Variants in EHMT1 observed in about 807,000 individuals in gnomAD.
EHMT1 encodes the protein euchromatic histone lysine methyltransferase 1.
In EHMT1, 15 loss-of-function variants were observed where a neutral mutation model predicts 147.2. That is an observed-to-expected ratio of 0.10 (90% CI 0.07 to 0.16). EHMT1 has a LOEUF of 0.16. EHMT1 is among the 10% of genes least tolerant of loss of function. The pLI is 1.00. For missense variants in EHMT1, 1,587 were observed against 1,772.4 expected, an observed-to-expected ratio of 0.90 and a Z score of 1.88; for synonymous variants, 795 against 709.6, an observed-to-expected ratio of 1.12 and a Z score of -1.91.
chr9:137,652,295 T>C (rs1188724924), intron 1 of EHMT1, among the ~76,000 whole-genome samples: 1 of 152,218 alleles, frequency 6.6e-6, no homozygotes, highest in East Asian at 1.9e-4. Context: ...GGTCTTGCTA[T>C]GTTGCCCAAG....
At chr9:137,671,151 T>C (rs1294001096) in intron 1 of EHMT1, among the ~76,000 whole-genome samples, 2 of 152,238 alleles carry the variant, frequency 1.3e-5, no homozygotes, top group African/African-American at 4.8e-5. Context: ...TTTTCCCGTA[T>C]AATTATTCTG....
At chr9:137,781,625 T>C (rs965932677) in intron 14 of EHMT1, among the ~76,000 whole-genome samples, 1 of 152,202 alleles carries the variant, frequency 6.6e-6, no homozygotes, top group Non-Finnish European at 1.5e-5. Flanking sequence ...AGCATACTTG[T>C]TAGAGAGCCT....
chr9:137,688,180 C>A (rs961228175), intron 1 of EHMT1, among the ~76,000 whole-genome samples: 1 of 152,102 alleles, frequency 6.6e-6, no homozygotes, highest in African/African-American at 2.4e-5. Context: ...TGCGCCACCA[C>A]GCCTGGCTAA....
intron 1 of EHMT1, among the ~76,000 whole-genome samples, chr9:137,660,578 A>C (rs1358115025): frequency 6.6e-6 from 1 of 152,210 alleles, no homozygotes; most frequent in African/African-American, 2.4e-5. Flanking sequence ...CTAGAATCAT[A>C]AAATTTCATG....
intron 14 of EHMT1, among the ~76,000 whole-genome samples, chr9:137,780,948 TGTGTGGTGATGACGCTGAGAC>T (rs1564747845): frequency 4.7e-4 from 18 of 38,420 alleles, no homozygotes; most frequent in African/African-American, 7.9e-4. Flanking sequence ...ATCACTGAGA[TGTGTGGTGATGACGCTGAGAC>T]GTGTGGTGAT....
intron 4 of EHMT1, among the ~76,000 whole-genome samples, chr9:137,739,019 G>A (rs531983402): frequency 1.9e-3 from 294 of 151,786 alleles, no homozygotes; most frequent in African/African-American, 6.1e-3. Flanking sequence ...CCATGGAACC[G>A]TGCACTTAAA....
At chr9:137,795,695 T>G (rs1952885811) in intron 16 of EHMT1, among the ~76,000 whole-genome samples, 1 of 152,194 alleles carries the variant, frequency 6.6e-6, no homozygotes. Flanking sequence ...ACGATCCTAT[T>G]GACGACCTGC....
At chr9:137,645,626 GT>G (rs1343217208) in intron 1 of EHMT1, among the ~76,000 whole-genome samples, 1 of 152,186 alleles carries the variant, frequency 6.6e-6, no homozygotes, top group Non-Finnish European at 1.5e-5. Flanking sequence ...GGCTGTCTGT[GT>G]TTCCATCTCT....
At chr9:137,779,169 G>C (rs1951184659) in intron 13 of EHMT1, among the ~76,000 whole-genome samples, 2 of 152,210 alleles carry the variant, frequency 1.3e-5, no homozygotes, top group Non-Finnish European at 2.9e-5. Context: ...TCGAGTTAAG[G>C]TTTCAGAGCA....
intron 15 of EHMT1, chr9:137,783,980 CTTTA>C (rs749940248): frequency 2.2e-5 from 10 of 449,836 alleles, no homozygotes; most frequent in Non-Finnish European, 3.9e-5. Context: ...ACTTTTAGTC[CTTTA>C]TTTATACCTA....
At chr9:137,720,999 TC>T (rs1945896244) in intron 3 of EHMT1, among the ~76,000 whole-genome samples, 2 of 152,008 alleles carry the variant, frequency 1.3e-5, no homozygotes, top group African/African-American at 4.8e-5. Flanking sequence ...GCCGCCTTTC[TC>T]CCCTCCTCGC....
chr9:137,788,055 G>C (rs56213705), intron 15 of EHMT1: 1 of 1,365,124 alleles, frequency 7.3e-7, no homozygotes. Context: ...GATGGCTCCC[G>C]CTGGCAAAGT....
intron 5 of EHMT1, 36 bp downstream of exon 5, chr9:137,743,564 G>A (rs1564675829): frequency 5.0e-6 from 8 of 1,613,490 alleles, no homozygotes; most frequent in South Asian, 1.1e-5. Context: ...CCACGTGTGC[G>A]TGGAAATGCG....
chr9:137,810,042 A>G (rs1200936257), intron 18 of EHMT1, among the ~76,000 whole-genome samples: 1 of 110,836 alleles, frequency 9.0e-6, no homozygotes, highest in Non-Finnish European at 1.6e-5. Flanking sequence ...GGCGGTTCCG[A>G]TGCCGCCCCG....
chr9:137,764,763 T>G (rs925707263), intron 10 of EHMT1: 1 of 152,240 alleles, frequency 6.6e-6, no homozygotes, highest in Admixed American at 6.5e-5. Flanking sequence ...ATTAAATCAA[T>G]CTGCTGCAAT....
At chr9:137,675,460 T>TTTTA (rs957693782) in intron 1 of EHMT1, among the ~76,000 whole-genome samples, 6 of 152,020 alleles carry the variant, frequency 3.9e-5, no homozygotes, top group East Asian at 1.9e-4. Context: ...ACTTTTTAAA[T>TTTTA]TTTATTTATT....
chr9:137,815,861 T>C, intron 22 of EHMT1, 86 bp from the exon 23 acceptor site: 1 of 1,152,886 alleles, frequency 8.7e-7, no homozygotes, highest in South Asian at 1.3e-5. Flanking sequence ...TAAGCCACAC[T>C]GGGCACTTAG....
intron 1 of EHMT1, among the ~76,000 whole-genome samples, chr9:137,640,489 C>T (rs1220915603): frequency 6.6e-6 from 1 of 152,178 alleles, no homozygotes; most frequent in Non-Finnish European, 1.5e-5. Context: ...GTTGCTCAGG[C>T]TGGTTTTGAA....
At chr9:137,814,659 C>CA in intron 22 of EHMT1, 151 bp downstream of exon 22, 1 of 812,300 alleles carries the variant, frequency 1.2e-6, no homozygotes, top group East Asian at 2.7e-5. Flanking sequence ...AGGGGAGGCA[C>CA]AGCGGGCACC....
Sources: allele counts gnomAD v4.1 joint callset (sites outside exome capture counted in the v4.1 genomes callset), GRCh38; gene constraint gnomAD v4.1.1; transcripts MANE v1.5; gene names NCBI Gene and HGNC (gene_info 2026-07-23, HGNC 2026-07-21).